The following BMPR1B variants were observed in gnomAD, a reference collection of about 807,000 sequenced individuals.
BMPR1B encodes the protein bone morphogenetic protein receptor type-1B.
In BMPR1B, 12 loss-of-function variants were observed where a neutral mutation model predicts 59.1. The observed-to-expected ratio is 0.20, with a 90% CI of 0.13 to 0.33. The LOEUF is 0.33. Ranked by LOEUF, BMPR1B falls within the 10% of genes least tolerant of loss-of-function variation. The pLI is 1.00. For synonymous variants in BMPR1B, 237 were observed against 207.3 expected (o/e 1.14, Z -1.23); for missense variants, 550 against 610.9 (o/e 0.90, Z 1.05).
chr4:94,948,548 A>G (rs976034736), intron 2 of BMPR1B, among the ~76,000 whole-genome samples: 1 of 152,210 alleles, frequency 6.6e-6, no homozygotes, highest in African/African-American at 2.4e-5. Flanking sequence ...AAAGCAAGGA[A>G]AAAGGAAAAA....
At chr4:95,051,618 C>A in intron 3 of BMPR1B, 1 of 1,299,074 alleles carries the variant, frequency 7.7e-7, no homozygotes, top group Non-Finnish European at 1.1e-6. Context: ...AGAGTGGCAG[C>A]AGAGGCGTCT....
chr4:94,944,005 G>A (rs1729614167), intron 2 of BMPR1B, among the ~76,000 whole-genome samples: 1 of 151,980 alleles, frequency 6.6e-6, no homozygotes, highest in South Asian at 2.1e-4. Context: ...CCACAAAGTG[G>A]AAAATTTCAC....
intron 1 of BMPR1B, among the ~76,000 whole-genome samples, chr4:94,848,251 T>C (rs187661662): frequency 1.3e-5 from 2 of 152,286 alleles, no homozygotes; most frequent in Admixed American, 1.3e-4. Context: ...TTGTAGAGAA[T>C]TAAAATTCAT....
chr4:94,999,353 A>G (rs1000715703), intron 3 of BMPR1B, among the ~76,000 whole-genome samples: 1 of 152,034 alleles, frequency 6.6e-6, no homozygotes, highest in Non-Finnish European at 1.5e-5. Flanking sequence ...AAGCCTCTCA[A>G]GTAGATGGTA....
intron 2 of BMPR1B, among the ~76,000 whole-genome samples, chr4:94,925,244 A>G (rs749680529): frequency 7.9e-5 from 12 of 152,088 alleles, no homozygotes; most frequent in Non-Finnish European, 1.2e-4. Context: ...AGTCAGTTTC[A>G]CAATTTATGT....
intron 1 of BMPR1B, among the ~76,000 whole-genome samples, chr4:94,804,546 A>T (rs1378632330): frequency 2.0e-5 from 3 of 151,938 alleles, no homozygotes; most frequent in African/African-American, 7.2e-5. Flanking sequence ...AAGAGAAATC[A>T]GACAGATATT....
At chr4:94,875,382 T>C (rs1726681119) in intron 1 of BMPR1B, among the ~76,000 whole-genome samples, 1 of 152,160 alleles carries the variant, frequency 6.6e-6, no homozygotes, top group South Asian at 2.1e-4. Flanking sequence ...GTACATCTTT[T>C]CAATTAATAA....
Position 95,007,251 on chromosome 4 carries a change from A to C in BMPR1B, c.-18+11117A>C, listed in dbSNP as rs375587242. Among the ~76,000 whole-genome samples the C allele has an allele frequency of 3.9e-5, 6 of 152,184 alleles. No individual in the cohort carries two copies. The South Asian group carries it at 8.3e-4, about 21-fold the overall frequency. On this transcript the variant is annotated intron_variant, in intron 3 of 12. Transcript: ENST00000515059. ...TTTCTAATTTCAGTTAACCTCTAAT[A>C]GACTTTTTCATTAGTAATATCACAC...
intron 3 of BMPR1B, among the ~76,000 whole-genome samples, chr4:95,031,328 G>T (rs1313807361): frequency 6.6e-6 from 1 of 152,160 alleles, no homozygotes; most frequent in African/African-American, 2.4e-5. Flanking sequence ...AATGTGATCG[G>T]GAGTGGAATG....
intron 2 of BMPR1B, among the ~76,000 whole-genome samples, chr4:94,969,535 C>T (rs887421164): frequency 1.3e-5 from 2 of 152,068 alleles, no homozygotes; most frequent in Non-Finnish European, 2.9e-5. Flanking sequence ...TTTTTCTTCT[C>T]TTTTTTAGCC....
At chr4:95,075,240 T>G (rs1359623074) in intron 3 of BMPR1B, among the ~76,000 whole-genome samples, 3 of 152,188 alleles carry the variant, frequency 2.0e-5, no homozygotes, top group Non-Finnish European at 4.4e-5. Flanking sequence ...CCATCTGTTC[T>G]TCTCAGAGTC....
At chr4:94,826,779 T>G (rs1724398838) in intron 1 of BMPR1B, among the ~76,000 whole-genome samples, 1 of 152,166 alleles carries the variant, frequency 6.6e-6, no homozygotes, top group Non-Finnish European at 1.5e-5. Context: ...AATATTAAAT[T>G]GTTGAAACTG....
chr4:95,139,764 G>A (rs924845412), intron 10 of BMPR1B, among the ~76,000 whole-genome samples: 12 of 152,192 alleles, frequency 7.9e-5, no homozygotes, highest in Admixed American at 2.6e-4. Flanking sequence ...CTGGTGTGCC[G>A]TTTGCTAAGA....
intron 1 of BMPR1B, among the ~76,000 whole-genome samples, chr4:94,836,029 G>T (rs538314116): frequency 3.4e-5 from 5 of 148,488 alleles, no homozygotes; most frequent in African/African-American, 1.2e-4. Context: ...TTGTTCTTGT[G>T]ATAGTTTACT....
chr4:94,832,058 ATAT>A (rs1447355079), intron 1 of BMPR1B, among the ~76,000 whole-genome samples: 2 of 149,562 alleles, frequency 1.3e-5, no homozygotes, highest in Non-Finnish European at 3.0e-5. Context: ...TTACAATGTA[ATAT>A]TAATAATAAT....
intron 1 of BMPR1B, among the ~76,000 whole-genome samples, chr4:94,764,507 A>G (rs1044937786): frequency 3.3e-5 from 5 of 152,040 alleles, no homozygotes; most frequent in African/African-American, 1.2e-4. Context: ...ACCCTGTTAC[A>G]TTGTCTGTTT....
chr4:94,958,560 G>T (rs1730241781), intron 2 of BMPR1B, among the ~76,000 whole-genome samples: 1 of 152,038 alleles, frequency 6.6e-6, no homozygotes, highest in Admixed American at 6.6e-5. Flanking sequence ...TCTCTTATAA[G>T]AACGCCAGTC....
intron 1 of BMPR1B, among the ~76,000 whole-genome samples, chr4:94,785,616 C>G (rs1343767389): frequency 6.6e-6 from 1 of 152,144 alleles, no homozygotes; most frequent in Non-Finnish European, 1.5e-5. Context: ...AGCTCACAGC[C>G]AGCTTAAGGC....
chr4:94,825,511 A>AAAAAC (rs542225938), intron 1 of BMPR1B, among the ~76,000 whole-genome samples: 5 of 152,160 alleles, frequency 3.3e-5, no homozygotes, highest in Admixed American at 6.5e-5. Flanking sequence ...TCTCAAAAGT[A>AAAAAC]AAAACAAAAC....
Sources: allele counts gnomAD v4.1 joint callset (sites outside exome capture counted in the v4.1 genomes callset), GRCh38; gene constraint gnomAD v4.1.1; transcripts MANE v1.5; gene names NCBI Gene and HGNC (gene_info 2026-07-23, HGNC 2026-07-21).